Variants in BCL2L13 observed in about 807,000 individuals in gnomAD.
BCL2L13 encodes the protein bcl-2-like protein 13.
In BCL2L13, 13 loss-of-function variants were observed where a neutral mutation model predicts 25.8. The ratio of observed to expected loss-of-function variants is 0.50; its 90% CI spans 0.33 to 0.80. BCL2L13 has a LOEUF of 0.80. BCL2L13 is among the 30% of genes least tolerant of loss of function. The pLI, the probability that BCL2L13 is intolerant of heterozygous loss-of-function variation, is 0.02. For synonymous variants in BCL2L13, 244 were observed against 230.3 expected (o/e 1.06, Z -0.54); for missense variants, 504 against 574.9 (o/e 0.88, Z 1.26).
chr22:17,689,735 C>T (rs908905882), intron 4 of BCL2L13, among the ~76,000 whole-genome samples: 10 of 150,722 alleles, frequency 6.6e-5, no homozygotes, highest in Admixed American at 2.7e-4. Flanking sequence ...CCCAGCTACT[C>T]GAGAGACTGA....
intron 2 of BCL2L13, among the ~76,000 whole-genome samples, chr22:17,679,837 C>G (rs1011090339): frequency 7.9e-5 from 12 of 151,948 alleles, no homozygotes; most frequent in Non-Finnish European, 1.8e-4. Flanking sequence ...GTTTTTTCCC[C>G]TTATTACCAA....
intron 6 of BCL2L13, among the ~76,000 whole-genome samples, chr22:17,711,745 G>GT (rs1477810202): frequency 1.3e-5 from 2 of 152,194 alleles, no homozygotes; most frequent in Non-Finnish European, 2.9e-5. Context: ...TAGAGGCTCT[G>GT]TTTTTAGAAG....
At chr22:17,674,149 G>A (rs1463920168) in intron 2 of BCL2L13, among the ~76,000 whole-genome samples, 1 of 152,116 alleles carries the variant, frequency 6.6e-6, no homozygotes, top group Non-Finnish European at 1.5e-5. Flanking sequence ...AAATGTTTAA[G>A]GTCAGTGATA....
intron 4 of BCL2L13, among the ~76,000 whole-genome samples, chr22:17,691,508 T>G (rs2060103723): frequency 6.6e-6 from 1 of 152,128 alleles, no homozygotes; most frequent in African/African-American, 2.4e-5. Context: ...TAGCCCAGCA[T>G]GGTGGTGGGT....
intron 1 of BCL2L13, among the ~76,000 whole-genome samples, chr22:17,632,914 C>T (rs1463022643): frequency 6.6e-6 from 1 of 151,826 alleles, no homozygotes; most frequent in African/African-American, 2.4e-5. Context: ...CCACCATGCC[C>T]AGCTAATTTT....
upstream of BCL2L13, chr22:17,638,648 C>G (rs888400220): frequency 2.4e-6 from 3 of 1,228,000 alleles, no homozygotes; most frequent in Admixed American, 8.4e-5. Context: ...GGAGAGACCT[C>G]CGGGGCCTCC....
chr22:17,722,378 G>GCGTGTGTGTGTGTGTGTGTGT (rs1491171137), intron 6 of BCL2L13, among the ~76,000 whole-genome samples: 4 of 122,064 alleles, frequency 3.3e-5, no homozygotes, highest in African/African-American at 1.6e-4. Context: ...AGACTACAGG[G>GCGTGTGTGTGTGTGTGTGTGT]GTGTGTGTGT....
At chr22:17,630,339 G>A (rs1312903451) in intron 1 of BCL2L13, among the ~76,000 whole-genome samples, 1 of 151,392 alleles carries the variant, frequency 6.6e-6, no homozygotes, top group Non-Finnish European at 1.5e-5. Flanking sequence ...CAGTGCAACG[G>A]CATGGTGTCA....
At chr22:17,638,614 T>C, upstream of BCL2L13, 3 of 1,160,572 alleles carry the variant, frequency 2.6e-6, no homozygotes, top group Non-Finnish European at 3.2e-6. Context: ...TAGGAGGGTT[T>C]GGGTCTTCAG....
upstream of BCL2L13, among the ~76,000 whole-genome samples, chr22:17,634,072 T>A (rs1162221555): frequency 6.6e-6 from 1 of 152,120 alleles, no homozygotes; most frequent in African/African-American, 2.4e-5. Flanking sequence ...TTGTTTTTCA[T>A]CCTTTAGGTC....
intron 1 of BCL2L13, among the ~76,000 whole-genome samples, chr22:17,648,867 C>A (rs559817781): frequency 6.6e-6 from 1 of 152,096 alleles, no homozygotes; most frequent in Non-Finnish European, 1.5e-5. Context: ...GGTTGGCAAA[C>A]GACTTCAGTG....
chr22:17,694,604 G>A (rs2060209124), intron 4 of BCL2L13, among the ~76,000 whole-genome samples: 1 of 151,946 alleles, frequency 6.6e-6, no homozygotes, highest in Admixed American at 6.6e-5. Flanking sequence ...AAATTATTGA[G>A]CTATTTTAGA....
At chr22:17,671,000 C>T (rs12170245) in intron 2 of BCL2L13, among the ~76,000 whole-genome samples, 17,018 of 152,162 alleles carry the variant, frequency 0.11, 1,137 homozygotes, top group African/African-American at 0.16. Context: ...GTGGCTCACA[C>T]CTGTAATGCC....
chr22:17,702,154 T>C (rs934843832), intron 5 of BCL2L13, 89 bp from the exon 6 acceptor site: 148 of 1,041,798 alleles, frequency 1.4e-4, no homozygotes, highest in Non-Finnish European at 7.4e-5. Context: ...TAATGATGCA[T>C]TTAAATATAA....
rs1381220605 is a variant in BCL2L13 at position 17,698,555 on chromosome 22, T to TAAA, written c.456+2345_456+2346insAAA. Among the ~76,000 whole-genome samples, 310 of 97,212 alleles carry TAAA rather than the reference T, an allele frequency of 3.2e-3. 43 individuals are homozygous for TAAA. The highest frequency in any genetic ancestry group is 4.5e-3 in the South Asian group (15 of 3,350). 63.8% of individuals were successfully genotyped at this position (97,212 alleles called of 152,430 possible). On this transcript the variant is annotated intron_variant, in intron 5 of 6. Coordinates refer to ENST00000317582, the MANE Select transcript of BCL2L13 (RefSeq NM_015367.4). ...GGGCAACATAGCAAGACCCTGTCTC[T>TAAA]TAAAAAAAAAAAAAAAAAAAAAGCC...
intron 2 of BCL2L13, among the ~76,000 whole-genome samples, chr22:17,676,288 C>T (rs567202718): frequency 8.0e-6 from 1 of 124,616 alleles, no homozygotes; most frequent in Non-Finnish European, 1.7e-5. Flanking sequence ...ATGGCAGAAC[C>T]CTATCTCTAC....
intron 1 of BCL2L13, among the ~76,000 whole-genome samples, chr22:17,632,275 G>C (rs747007499): frequency 2.0e-5 from 3 of 152,054 alleles, no homozygotes; most frequent in Non-Finnish European, 4.4e-5. Flanking sequence ...AGGACAGATT[G>C]GTGTACATAT....
intron 6 of BCL2L13, among the ~76,000 whole-genome samples, chr22:17,709,031 C>T (rs979819143): frequency 4.0e-5 from 6 of 151,240 alleles, no homozygotes; most frequent in African/African-American, 2.4e-5. Flanking sequence ...GTCAGGAGAT[C>T]GAGACCATCC....
chr22:17,686,640 A>G (rs934461386), intron 3 of BCL2L13, among the ~76,000 whole-genome samples: 2 of 150,968 alleles, frequency 1.3e-5, no homozygotes, highest in African/African-American at 4.9e-5. Flanking sequence ...CCTCCTGAGT[A>G]GCTGGGATTA....
Sources: allele counts gnomAD v4.1 joint callset (sites outside exome capture counted in the v4.1 genomes callset), GRCh38; gene constraint gnomAD v4.1.1; transcripts MANE v1.5; gene names NCBI Gene and HGNC (gene_info 2026-07-23, HGNC 2026-07-21).